Variants in SDCBP2 observed in about 807,000 individuals in gnomAD.
SDCBP2 encodes syntenin-2.
A neutral mutation model predicts 30.7 loss-of-function variants in SDCBP2; 28 were observed. The ratio of observed to expected loss-of-function variants is 0.91; its 90% CI spans 0.68 to 1.25. SDCBP2 has a LOEUF of 1.25. Among genes scored for constraint, SDCBP2 ranks in the 50% most tolerant of loss-of-function variants. The pLI is 0.00. For missense variants in SDCBP2, 399 were observed against 379.0 expected (o/e 1.05, Z -0.44); for synonymous variants, 166 against 157.3 (o/e 1.06, Z -0.41).
At position 1,326,780 on chromosome 20, in the gene SDCBP2, C is replaced by T. The variant is rs116335175; in HGVS notation, c.-20+2305G>A. Among the ~76,000 whole-genome samples, 746 of 152,340 alleles carry T rather than the reference C, an allele frequency of 4.9e-3. 4 individuals are homozygous for T. The highest frequency in any genetic ancestry group is 0.016 in the African/African-American group (654 of 41,578). ...TTGTTTGCTCATCTCCCTCACTGGT[C>T]AGGAAATGTCACTCATTTGTTAACC... On this transcript the variant is annotated intron_variant, in intron 1 of 8. Coordinates refer to ENST00000360779, the MANE Select transcript of SDCBP2 (RefSeq NM_080489.5).
At chr20:1,311,844 T>C (rs2088674519) in intron 7 of SDCBP2, among the ~76,000 whole-genome samples, 2 of 151,592 alleles carry the variant, frequency 1.3e-5, no homozygotes, top group Non-Finnish European at 2.9e-5. Flanking sequence ...ATAGCTATTA[T>C]GTATTAAGCA....
In SDCBP2 at chr20:1,317,222, C is replaced by G. The variant is rs145865270; in HGVS notation, c.225+1096G>C. Among the ~76,000 whole-genome samples the G allele has an allele frequency of 1.2e-3, 181 of 152,182 alleles. 1 individual carries two copies. The highest frequency in any genetic ancestry group is 4.2e-3 in the African/African-American group (173 of 41,528). On this transcript the variant is annotated intron_variant, in intron 4 of 8. Transcript: ENST00000360779. ...TGATGAAATGACATAGAACTAGAGA[C>G]ACACTGTACTCGCGTAAGACTCCTG... is the stretch of plus-strand genomic sequence containing the variant.
At position 1,320,679 on chromosome 20, in the gene SDCBP2, GTAGGAAATT is replaced by G. The variant is rs1295001356; in HGVS notation, c.-19-253_-19-245del. On this transcript the variant is annotated intron_variant, in intron 1 of 8. Transcript: ENST00000360779. The surrounding 1 kb of genome is among the most constrained non-coding windows in gnomAD (Gnocchi z 4.7). ...TCTTGGCCACAATGAAGTAAGACCA[GTAGGAAATT>G]TATAAAGACTCTCACACAAACTGTA... 2.8e-6 allele frequency: 1 copy of G among 362,252 alleles called. No homozygotes were observed. The highest frequency in any genetic ancestry group is 5.0e-6 in the Non-Finnish European group (1 of 198,222). 22.4% of individuals were successfully genotyped at this position (362,252 alleles called of 1,614,324 possible).
rs1311875892 is a variant in SDCBP2, at chr20:1,313,087, A to G, written c.384+253T>C. ...GGAAGCTAGATGCCCTGGGCAGCGA[A>G]GGGCAGGTGGGGAAGGGAGGCTCCT... is the stretch of plus-strand genomic sequence containing the variant. On this transcript the variant is annotated intron_variant, in intron 5 of 8. Coordinates refer to ENST00000360779, the MANE Select transcript of SDCBP2 (RefSeq NM_080489.5). This position sits in a 1 kb window ranked among gnomAD's most constrained non-coding sequence, Gnocchi z 5.2. 12 of 592,450 alleles carry G rather than the reference A, an allele frequency of 2.0e-5. No individual in the cohort carries two copies. Among genetic ancestry groups the G allele is most frequent in the Admixed American group, 6.1e-5 (2 of 32,666 alleles). The allele number at this position is 592,450 out of a possible 1,614,324, so 36.7% of individuals were successfully genotyped here. A position where few individuals can be genotyped will look rare whatever the true frequency, so the allele number is the denominator to read the frequency against.
chr20:1,319,678 C>A lies in SDCBP2; in HGVS notation c.55-19G>T. 6.5e-7 allele frequency: 1 copy of A among 1,539,358 alleles called. No individual in the cohort carries two copies. Among genetic ancestry groups the A allele is most frequent in the South Asian group, 1.2e-5 (1 of 80,928 alleles). ...CCTGGGCCTGGGGAGGAGCAGGGAG[C>A]ACTGGTCAGCTGTGGCCAGGACCCC... On this transcript the variant is annotated intron_variant, in intron 2 of 8. Coordinates refer to ENST00000360779, the MANE Select transcript of SDCBP2 (RefSeq NM_080489.5).
Position 1,313,110 on chromosome 20 carries a change from C to G in SDCBP2, c.384+230G>C. 8.3e-6 allele frequency: 5 copies of G among 601,138 alleles called. No individual in the cohort carries two copies. In the South Asian group the frequency reaches 1.0e-4, roughly 12 times the overall value. 37.2% of individuals were successfully genotyped at this position (601,138 alleles called of 1,614,324 possible). ...GAAGGGCAGGTGGGGAAGGGAGGCT[C>G]CTCCGAGCGACGGAAGCCCACGGAG... On this transcript the variant is annotated intron_variant, in intron 5 of 8. Transcript: ENST00000360779. This position sits in a 1 kb window ranked among gnomAD's most constrained non-coding sequence, Gnocchi z 5.2.
intron 8 of SDCBP2, 68 bp from the exon 9 acceptor site, chr20:1,310,563 C>A (rs941347390): frequency 2.2e-5 from 33 of 1,475,588 alleles, no homozygotes; most frequent in Admixed American, 5.7e-5. Context: ...ACCTCCACCC[C>A]CTTCCGAGCC....
In SDCBP2 at chr20:1,312,722, G is replaced by A. The variant is rs1474536785; in HGVS notation, c.425C>T (p.Ser142Phe). The change falls in exon 6 of 9, where the codon TCC (serine) becomes TTC (phenylalanine). Residue 142 changes from serine to phenylalanine, a missense_variant. Transcript: ENST00000360779. ...VQLVQANTPA[S>F]LVGLRFGDQL... is the part of the protein sequence containing the mutation. ...GTCCCCAAAGCGCAGCCCCACAAGG[G>A]ATGCAGGGGTGTTGGCCTGGACCAA... The A allele has an allele frequency of 1.2e-6, 2 of 1,613,954 alleles. No individual in the cohort carries two copies. Among genetic ancestry groups the A allele is most frequent in the East Asian group, 2.2e-5 (1 of 44,868 alleles).
chr20:1,318,290 C>T (rs1289422004), intron 4 of SDCBP2, 28 bp downstream of exon 4: 1 of 1,497,410 alleles, frequency 6.7e-7, no homozygotes, highest in Non-Finnish European at 9.3e-7. Flanking sequence ...GGTTCTGCGC[C>T]CGCAGCAGGC....
Position 1,320,603 on chromosome 20 carries a change from T to C in SDCBP2, c.-19-168A>G. On this transcript the variant is annotated intron_variant, in intron 1 of 8. Transcript: ENST00000360779. This position sits in a 1 kb window ranked among gnomAD's most constrained non-coding sequence, Gnocchi z 4.7. ...CTCCACCCCTAATCCCCTGTCGATA[T>C]TTGAACTCTACTGTATTCCACTCAT... 8.9e-6 allele frequency: 5 copies of C among 562,908 alleles called. No homozygotes were observed. Among genetic ancestry groups the C allele is most frequent in the South Asian group, 8.6e-5 (4 of 46,362 alleles). 34.9% of individuals were successfully genotyped at this position (562,908 alleles called of 1,614,324 possible).
rs2088647652 is a variant in SDCBP2, at chr20:1,310,581, C to T, written c.825-86G>A. 6 of 1,293,652 alleles carry T rather than the reference C, an allele frequency of 4.6e-6. No homozygotes were observed. In the Admixed American group the frequency reaches 1.3e-4, roughly 27 times the overall value. The allele number at this position is 1,293,652 out of a possible 1,614,324, so 80.1% of individuals were successfully genotyped here. The stretch of plus-strand genomic sequence containing the variant: ...TCCACCCCCTTCCGAGCCAGTGCAT[C>T]CCATGTGGGCCTTCACTCCCAGTTC... On this transcript the variant is annotated intron_variant, in intron 8 of 8. Coordinates refer to ENST00000360779, the MANE Select transcript of SDCBP2 (RefSeq NM_080489.5).
Position 1,313,373 on chromosome 20 carries a change from G to T in SDCBP2, c.351C>A (p.Gly117=). 1 of 1,611,530 alleles carries T rather than the reference G, an allele frequency of 6.2e-7. No homozygotes were observed. The highest frequency in any genetic ancestry group is 8.5e-7 in the Non-Finnish European group (1 of 1,179,552). The change falls in exon 5 of 9, where the codon GGC becomes GGA. Residue 117 remains glycine (G), a synonymous_variant. Coordinates refer to ENST00000360779, the MANE Select transcript of SDCBP2 (RefSeq NM_080489.5). The surrounding 1 kb of genome is among the most constrained non-coding windows in gnomAD (Gnocchi z 5.2). Reference sequence around the variant, plus strand: ...CCTTCCGCAGCCTCAGCCCGGTCTTGCCGCGCTCGTCCTTGCACAGGTGGA... The same window carrying T: ...CCTTCCGCAGCCTCAGCCCGGTCTTTCCGCGCTCGTCCTTGCACAGGTGGA... ...REIHLCKDER[G]KTGLRLRKVD...
At chr20:1,318,554 G>T in intron 3 of SDCBP2, 136 bp from the exon 4 acceptor site, 1 of 591,012 alleles carries the variant, frequency 1.7e-6, no homozygotes, top group Non-Finnish European at 3.0e-6. Flanking sequence ...AAGACTGTGG[G>T]GTATCCCCAG....
In SDCBP2 at chr20:1,312,401, C is replaced by A. The variant is rs767943587; in HGVS notation, c.668G>T (p.Arg223Leu). The A allele has an allele frequency of 1.9e-6, 3 of 1,613,516 alleles. No homozygotes were observed. The South Asian group carries it at 3.3e-5, about 18-fold the overall frequency. The change falls in exon 7 of 9, where the codon CGC becomes CTC. Residue 223 changes from arginine (R) to leucine (L), a missense_variant. By Grantham distance (102) the Arg-to-Leu change is moderately radical. Transcript: ENST00000360779. Reference sequence around the variant, plus strand: ...GTAGTGGTTGGTGAGGAGCCCGTTGCGGGCCGCAGAACTCCCTTTGACCAG... The same window carrying A: ...GTAGTGGTTGGTGAGGAGCCCGTTGAGGGCCGCAGAACTCCCTTTGACCAG... Reference protein sequence around the residue: ...VSLVKGSSAARNGLLTNHYVC... With the variant: ...VSLVKGSSAALNGLLTNHYVC...
chr20:1,310,716 T>A, intron 8 of SDCBP2, 84 bp downstream of exon 8: 2 of 1,259,488 alleles, frequency 1.6e-6, no homozygotes, highest in Non-Finnish European at 2.3e-6. Flanking sequence ...TGGAAGTGGC[T>A]GAGCCAGGTG....
chr20:1,316,067 A>C (rs1343969114), intron 4 of SDCBP2, among the ~76,000 whole-genome samples: 3 of 152,208 alleles, frequency 2.0e-5, no homozygotes, highest in African/African-American at 7.2e-5. Context: ...GCACCACTGC[A>C]CTGCAGCCTG....
At position 1,319,427 on chromosome 20, in the gene SDCBP2, G is replaced by C. The variant is rs549242346; in HGVS notation, c.124+163C>G. On this transcript the variant is annotated intron_variant, in intron 3 of 8. Transcript: ENST00000360779. ...AGGTGACTCAGCCCAGGTCACCCAG[G>C]CAGTAAGAGGTGGGTGGCAACTGGA... 3.9e-5 allele frequency: 28 copies of C among 718,920 alleles called. No homozygotes were observed. In the Middle Eastern group the frequency reaches 7.2e-4, roughly 19 times the overall value. 44.5% of individuals were successfully genotyped at this position (718,920 alleles called of 1,614,324 possible).
rs537530112 is a variant in SDCBP2, at chr20:1,320,518, C to T, written c.-19-83G>A. 1.5e-5 allele frequency: 16 copies of T among 1,069,778 alleles called. No individual in the cohort carries two copies. The highest frequency in any genetic ancestry group is 1.2e-4 in the East Asian group (5 of 41,282). 66.3% of individuals were successfully genotyped at this position (1,069,778 alleles called of 1,614,324 possible). A position where few individuals can be genotyped will look rare whatever the true frequency, so the allele number is the denominator to read the frequency against. On this transcript the variant is annotated intron_variant, in intron 1 of 8. Coordinates refer to ENST00000360779, the MANE Select transcript of SDCBP2 (RefSeq NM_080489.5). This position sits in a 1 kb window ranked among gnomAD's most constrained non-coding sequence, Gnocchi z 4.7. ...AGGCACAGACATCCGCAACAGCAAG[C>T]GGGTTGGAACTTAATATTCAAACAG... is the stretch of plus-strand genomic sequence containing the variant.
Position 1,310,418 on chromosome 20 carries a change from G to GCCTGC in SDCBP2, c.*18_*22dup, listed in dbSNP as rs763034023. On this transcript the variant is annotated 3_prime_UTR_variant, in exon 9 of 9. Transcript: ENST00000360779. ...TGCAGGAGGGCGGGAAGCCCCCCCT[G>GCCTGC]CCTGCCCTGCCCTGCAGTGGCTTCA... The GCCTGC allele has an allele frequency of 3.7e-6, 6 of 1,611,976 alleles. No individual in the cohort carries two copies. The highest frequency in any genetic ancestry group is 3.3e-5 in the South Asian group (3 of 91,036).
Sources: allele counts gnomAD v4.1 joint callset (sites outside exome capture counted in the v4.1 genomes callset), GRCh38; gene constraint gnomAD v4.1.1; non-coding constraint Gnocchi (gnomAD v3.1); transcripts MANE v1.5; gene names NCBI Gene and HGNC (gene_info 2026-07-23, HGNC 2026-07-21).